The following AFDN variants were observed in gnomAD, a reference collection of about 807,000 sequenced individuals.
AFDN encodes afadin.
AFDN carries 68 observed loss-of-function variants against 216.6 expected under a neutral mutation model. The ratio of observed to expected loss-of-function variants is 0.31; its 90% confidence interval spans 0.26 to 0.38. The LOEUF (loss-of-function observed/expected upper bound fraction) is 0.38. AFDN is among the 10% of genes least tolerant of loss of function. The probability of loss-of-function intolerance (pLI) is 1.00; values close to 1 mark genes in which losing one functional copy is unlikely to be tolerated. For missense variants in AFDN, 2,136 were observed against 2,342.0 expected, an observed-to-expected ratio of 0.91 and a Z score of 1.82; for synonymous variants, 868 against 853.7, an observed-to-expected ratio of 1.02 and a Z score of -0.29.
intron 1 of AFDN, among the ~76,000 whole-genome samples, chr6:167,835,442 CT>C (rs1303484588): frequency 2.0e-5 from 3 of 151,550 alleles, no homozygotes; most frequent in Non-Finnish European, 4.4e-5. Flanking sequence ...TGCTCATATA[CT>C]TTTTTTTTGA....
At chr6:167,888,369 C>T (rs1787132616) in intron 6 of AFDN, among the ~76,000 whole-genome samples, 1 of 152,162 alleles carries the variant, frequency 6.6e-6, no homozygotes, top group African/African-American at 2.4e-5. Flanking sequence ...AACATCATTA[C>T]ATTAATTACA....
At chr6:167,917,872 G>A (rs1185718565) in intron 20 of AFDN, among the ~76,000 whole-genome samples, 4 of 152,176 alleles carry the variant, frequency 2.6e-5, no homozygotes, top group Non-Finnish European at 1.5e-5. Context: ...AAAGAAATAT[G>A]TGAGAAAGAA....
intron 12 of AFDN, among the ~76,000 whole-genome samples, chr6:167,906,591 A>G (rs1347780402): frequency 6.6e-6 from 1 of 152,190 alleles, no homozygotes; most frequent in East Asian, 1.9e-4. Context: ...CTGCCTACAA[A>G]TTCCATACAA....
In AFDN at chr6:167,917,213, A is replaced by T; in HGVS notation, c.2690A>T (p.Asp897Val). ...TTACAGAACTATCACTGTGCACCTG[A>T]TGAGCCTTTTATCCCAACGGTGAGT... ...ALLQNYHCAPDEPFIPTDLIE... is the reference protein window; with the variant it reads ...ALLQNYHCAPVEPFIPTDLIE... The change falls in exon 20 of 34, where the codon GAT becomes GTT. Residue 897 changes from aspartate to valine, a missense_variant. Around this residue, in one of 8 missense-constraint regions of AFDN, gnomAD observed 162 missense variants for 182.6 expected, o/e 0.89. Transcript: ENST00000683244. 6.2e-7 allele frequency: 1 copy of T among 1,603,422 alleles called. No individual in the cohort carries two copies. Among genetic ancestry groups the T allele is most frequent in the Non-Finnish European group, 8.5e-7 (1 of 1,176,522 alleles).
At chr6:167,836,212 A>G (rs1780416188) in intron 1 of AFDN, among the ~76,000 whole-genome samples, 1 of 152,220 alleles carries the variant, frequency 6.6e-6, no homozygotes, top group African/African-American at 2.4e-5. Flanking sequence ...GACATTTTCA[A>G]GTTCTACTTA....
intron 4 of AFDN, among the ~76,000 whole-genome samples, chr6:167,872,820 T>C (rs2128256828): frequency 6.6e-6 from 1 of 152,288 alleles, no homozygotes; most frequent in South Asian, 2.1e-4. Context: ...ACCATCTAGT[T>C]CCCTCCACTT....
chr6:167,848,773 C>A (rs1276718764), intron 1 of AFDN, among the ~76,000 whole-genome samples: 1 of 152,114 alleles, frequency 6.6e-6, no homozygotes, highest in Non-Finnish European at 1.5e-5. Context: ...CCCTGATTTC[C>A]GTCGGTGAGC....
intron 1 of AFDN, among the ~76,000 whole-genome samples, chr6:167,856,740 A>T (rs1371346939): frequency 6.6e-6 from 1 of 152,114 alleles, no homozygotes; most frequent in Non-Finnish European, 1.5e-5. Context: ...TTTATACAAG[A>T]GGTATCTGAG....
In AFDN at chr6:167,878,026, T is replaced by G. The variant is rs530994217; in HGVS notation, c.740-2334T>G. 1.3e-3 allele frequency among the ~76,000 whole-genome samples: 201 copies of G among 152,322 alleles called. 1 individual carries two copies. The highest frequency in any genetic ancestry group is 4.6e-3 in the African/African-American group (190 of 41,572). ...CCCCAAAATGCCCTATATATCTCAGTTAATTCATTTGTGGTACAAATACTC... is the reference window on the plus strand; with the variant it reads ...CCCCAAAATGCCCTATATATCTCAGGTAATTCATTTGTGGTACAAATACTC... On this transcript the variant is annotated intron_variant, in intron 5 of 33. Coordinates refer to ENST00000683244, the MANE Select transcript of AFDN (RefSeq NM_001386888.1).
chr6:167,915,496 T>A, intron 19 of AFDN, 63 bp downstream of exon 19: 1 of 1,526,388 alleles, frequency 6.6e-7, no homozygotes, highest in Non-Finnish European at 8.8e-7. Context: ...ATCTTTATGA[T>A]GAGCAAGAGC....
intron 1 of AFDN, among the ~76,000 whole-genome samples, chr6:167,828,211 G>A (rs1213800576): frequency 1.3e-5 from 2 of 152,192 alleles, no homozygotes; most frequent in African/African-American, 4.8e-5. Context: ...GTTGTAATAG[G>A]TAATTTATAG....
intron 15 of AFDN, among the ~76,000 whole-genome samples, chr6:167,913,201 A>C (rs1185153394): frequency 6.6e-6 from 1 of 152,242 alleles, no homozygotes; most frequent in Non-Finnish European, 1.5e-5. Flanking sequence ...GTAAGAACAT[A>C]AAACTAATCC....
At position 167,965,973 on chromosome 6, in the gene AFDN, C is replaced by T; in HGVS notation, c.5185C>T (p.Pro1729Ser). Residue 1729 changes from proline to serine, a missense_variant, in exon 32 of 34, where the codon CCC becomes TCC. Pro to Ser is a moderately conservative substitution (Grantham distance 74, BLOSUM62 -1). Around this residue, in one of 8 missense-constraint regions of AFDN, gnomAD observed 981 missense variants for 966.0 expected, o/e 1.02. Coordinates refer to ENST00000683244, the MANE Select transcript of AFDN (RefSeq NM_001386888.1). ...ASYLKTQVLS[P>S]DSLFTAKFVA... ...CTACCTCAAAACACAGGTCCTCTCC[C>T]CCGACTCGCTGTTCACTGCCAAGTT... 1 of 1,551,180 alleles carries T rather than the reference C, an allele frequency of 6.4e-7. No homozygotes were observed.
Position 167,962,433 on chromosome 6 carries a change from T to C in AFDN, c.4834T>C (p.Leu1612=), listed in dbSNP as rs201662307. 656 of 1,613,424 alleles carry C rather than the reference T, an allele frequency of 4.1e-4. No individual in the cohort carries two copies. Among genetic ancestry groups the C allele is most frequent in the Non-Finnish European group, 4.7e-4 (552 of 1,179,800 alleles). Residue 1612 remains leucine, a splice_region_variant and synonymous_variant, in exon 31 of 34, where the codon TTG becomes CTG. Transcript: ENST00000683244. This position sits in a 1 kb window ranked among gnomAD's most constrained non-coding sequence, Gnocchi z 5.2. The stretch of plus-strand genomic sequence containing the variant: ...GAGATTAATGTCAGCCTGTTGTTAG[T>C]TGCAGGACGAGGAGCGGAGGCGGCA... ...QRLEAERRAR[L]QDEERRRQQQ...
intron 4 of AFDN, 25 bp downstream of exon 4, chr6:167,872,402 CCTTT>C: frequency 3.8e-6 from 6 of 1,586,232 alleles, no homozygotes; most frequent in Non-Finnish European, 4.3e-6. Context: ...GAAATGTTCC[CCTTT>C]CTTTGTGCTC....
In AFDN at chr6:167,970,072, G is replaced by T; in HGVS notation, c.*137G>T. The T allele has an allele frequency of 9.7e-6, 7 of 722,926 alleles. No individual in the cohort carries two copies. Among genetic ancestry groups the T allele is most frequent in the South Asian group, 4.7e-5 (2 of 42,528 alleles). 44.8% of individuals were successfully genotyped at this position (722,926 alleles called of 1,614,324 possible). On this transcript the variant is annotated 3_prime_UTR_variant, in exon 34 of 34. Transcript: ENST00000683244. ...ACAATTTCTGTTTCTAAAATTGTTG[G>T]GATTTAGAAATGTTTCAATTCCAAG...
intron 1 of AFDN, among the ~76,000 whole-genome samples, chr6:167,849,204 C>G (rs1342475136): frequency 6.6e-6 from 1 of 152,070 alleles, no homozygotes; most frequent in Non-Finnish European, 1.5e-5. Flanking sequence ...TAGCATAAGG[C>G]AGGCATTTAT....
intron 5 of AFDN, among the ~76,000 whole-genome samples, chr6:167,878,814 C>G (rs1785752372): frequency 1.3e-5 from 2 of 152,278 alleles, no homozygotes; most frequent in Admixed American, 6.5e-5. Flanking sequence ...AGCCCTGGGC[C>G]TTAGCAGTTG....
chr6:167,897,233 G>T (rs1195793835), intron 10 of AFDN, among the ~76,000 whole-genome samples: 1 of 152,154 alleles, frequency 6.6e-6, no homozygotes, highest in African/African-American at 2.4e-5. Flanking sequence ...TCTAAAAGAT[G>T]GTGATGATAC....
Sources: gnomAD v4.1 joint callset for allele counts (sites outside exome capture counted in the v4.1 genomes callset) on GRCh38, gnomAD v4.1.1 for gene constraint, gnomAD v4.1.1 regional missense constraint, Gnocchi (gnomAD v3.1) non-coding constraint, MANE v1.5 for transcripts, NCBI Gene and HGNC (gene_info 2026-07-23, HGNC 2026-07-21) for gene names.